IL1RAPL2: variants seen among roughly 807,000 people sequenced by gnomAD.
IL1RAPL2 encodes X-linked interleukin-1 receptor accessory protein-like 2.
In IL1RAPL2, 3 loss-of-function variants were observed where a neutral mutation model predicts 44.1. The ratio of observed to expected loss-of-function variants is 0.07; its 90% CI spans 0.03 to 0.18. The LOEUF is 0.18. Ranked by LOEUF, IL1RAPL2 falls within the 10% of genes least tolerant of loss-of-function variation. The probability of loss-of-function intolerance (pLI) is 1.00; values close to 1 mark genes in which losing one functional copy is unlikely to be tolerated. For synonymous variants in IL1RAPL2, 181 were observed against 178.8 expected (o/e 1.01, Z -0.10); for missense variants, 391 against 496.4 (o/e 0.79, Z 2.02).
chrX:105,654,000 C>A (rs1482367143), intron 6 of IL1RAPL2, among the ~76,000 whole-genome samples: 2 of 110,353 alleles, frequency 1.8e-5, no homozygotes, highest in Non-Finnish European at 3.8e-5. Flanking sequence ...CACGCACACA[C>A]CCTTTATGTT....
At chrX:105,481,751 GT>G (rs1051458845) in intron 5 of IL1RAPL2, among the ~76,000 whole-genome samples, 5 of 112,112 alleles carry the variant, frequency 4.5e-5, no homozygotes, top group African/African-American at 1.6e-4. Context: ...ATCAAAATGG[GT>G]TTTTTATTAA....
intron 2 of IL1RAPL2, among the ~76,000 whole-genome samples, chrX:104,752,620 A>G (rs1932278553): frequency 9.0e-6 from 1 of 110,688 alleles, no homozygotes; most frequent in African/African-American, 3.3e-5. Context: ...GCATTTAGCT[A>G]AGTATAGTTC....
chrX:105,592,872 A>T (rs1366253214), intron 6 of IL1RAPL2, among the ~76,000 whole-genome samples: 1 of 111,405 alleles, frequency 9.0e-6, no homozygotes, highest in African/African-American at 3.3e-5. Flanking sequence ...TTTTTCTTTC[A>T]TGTTGACCTT....
chrX:104,785,956 T>C lies in IL1RAPL2; in HGVS notation c.82+126961T>C, dbSNP rs2301379. 3.6e-5 allele frequency among the ~76,000 whole-genome samples: 4 copies of C among 112,155 alleles called. No individual in the cohort carries two copies. In the East Asian group the frequency reaches 1.1e-3, roughly 32 times the overall value. Reference sequence around the variant, plus strand: ...CCTCATCAGAATGCACTACAATTTGTTCACTTCAAACCCACCAGGAATAGA... The same window carrying C: ...CCTCATCAGAATGCACTACAATTTGCTCACTTCAAACCCACCAGGAATAGA... On this transcript the variant is annotated intron_variant, in intron 2 of 10. Transcript: ENST00000372582.
At chrX:105,136,664 A>T (rs186032436) in intron 2 of IL1RAPL2, among the ~76,000 whole-genome samples, 1 of 112,467 alleles carries the variant, frequency 8.9e-6, no homozygotes, top group East Asian at 2.8e-4. Flanking sequence ...TTATCTCAAT[A>T]TTTTAGTTGA....
intron 2 of IL1RAPL2, among the ~76,000 whole-genome samples, chrX:104,987,470 A>C (rs2030583834): frequency 9.0e-6 from 1 of 111,100 alleles, no homozygotes; most frequent in South Asian, 3.8e-4. Flanking sequence ...TAGGGCTTAA[A>C]ACAATAAAAA....
chrX:104,788,178 G>T (rs1183435939), intron 2 of IL1RAPL2, among the ~76,000 whole-genome samples: 2 of 112,299 alleles, frequency 1.8e-5, no homozygotes, highest in Non-Finnish European at 3.8e-5. Flanking sequence ...TATGCAGTTT[G>T]GGGTACTTTG....
intron 2 of IL1RAPL2, among the ~76,000 whole-genome samples, chrX:104,927,893 C>T (rs1328979341): frequency 8.9e-6 from 1 of 112,164 alleles, no homozygotes; most frequent in East Asian, 2.8e-4. Flanking sequence ...CTCACCAGAG[C>T]CAGTTCTCTA....
chrX:105,171,972 C>T (rs931218255), intron 2 of IL1RAPL2, among the ~76,000 whole-genome samples: 63 of 112,207 alleles, frequency 5.6e-4, no homozygotes, highest in African/African-American at 2.0e-3. Flanking sequence ...CCTTTAAATC[C>T]AACCCCTTCT....
At chrX:104,894,182 G>T (rs1467957339) in intron 2 of IL1RAPL2, among the ~76,000 whole-genome samples, 4 of 111,528 alleles carry the variant, frequency 3.6e-5, no homozygotes, top group Admixed American at 1.9e-4. Context: ...TCCCTTTGTG[G>T]GTAACCCGAC....
intron 2 of IL1RAPL2, among the ~76,000 whole-genome samples, chrX:104,908,799 G>A (rs190621845): frequency 0.051 from 5,478 of 108,324 alleles, 401 homozygotes; most frequent in African/African-American, 0.18. Flanking sequence ...TGCTCTTCTC[G>A]AGGAGTATCT....
At chrX:105,033,215 C>A (rs2031547398) in intron 2 of IL1RAPL2, among the ~76,000 whole-genome samples, 1 of 111,444 alleles carries the variant, frequency 9.0e-6, no homozygotes, top group African/African-American at 3.3e-5. Context: ...AGCATTTAGC[C>A]CATTTACCTT....
chrX:104,912,913 G>A (rs1345965885), intron 2 of IL1RAPL2, among the ~76,000 whole-genome samples: 1 of 112,014 alleles, frequency 8.9e-6, no homozygotes, highest in Non-Finnish European at 1.9e-5. Flanking sequence ...GAAGTAGCAG[G>A]CATAATCCTT....
chrX:105,069,482 C>T (rs976405647), intron 2 of IL1RAPL2, among the ~76,000 whole-genome samples: 16 of 111,639 alleles, frequency 1.4e-4, no homozygotes, highest in Middle Eastern at 4.6e-3. Flanking sequence ...TTTGATTCTA[C>T]GAAAACAATG....
At chrX:104,733,611 C>A (rs1414028140) in intron 2 of IL1RAPL2, among the ~76,000 whole-genome samples, 2 of 75,323 alleles carry the variant, frequency 2.7e-5, no homozygotes, top group African/African-American at 1.0e-4. Flanking sequence ...CAGCGAGACT[C>A]TGTCTCAAAA....
chrX:105,367,432 C>G (rs1209529516), intron 5 of IL1RAPL2, among the ~76,000 whole-genome samples: 1 of 111,176 alleles, frequency 9.0e-6, no homozygotes, highest in Non-Finnish European at 1.9e-5. Context: ...TTTTTCCTCT[C>G]TTGATATCTT....
chrX:105,265,733 GA>G (rs1300991599), intron 4 of IL1RAPL2, among the ~76,000 whole-genome samples: 1 of 86,491 alleles, frequency 1.2e-5, no homozygotes, highest in South Asian at 4.4e-4. Flanking sequence ...TAACATGAAA[GA>G]AAAAAAATGT....
At position 105,045,533 on chromosome X, in the gene IL1RAPL2, C is replaced by A. The variant is rs1187413476; in HGVS notation, c.83-149942C>A. Among the ~76,000 whole-genome samples, 8 of 111,063 alleles carry A rather than the reference C, an allele frequency of 7.2e-5. No individual in the cohort carries two copies. In the Admixed American group the frequency reaches 7.7e-4, roughly 11 times the overall value. ...TCTTTGCATTACAAGCCTAGTAGTA[C>A]TGCTTGACTTTTATTGTGTTTATTT... On this transcript the variant is annotated intron_variant, in intron 2 of 10. Transcript: ENST00000372582.
At chrX:104,582,848 C>G (rs1928431167) in intron 1 of IL1RAPL2, among the ~76,000 whole-genome samples, 5 of 74,036 alleles carry the variant, frequency 6.8e-5, no homozygotes, top group Admixed American at 1.8e-4. Flanking sequence ...TTCTTTCTTT[C>G]TTTCTTTCTT....
Sources: gnomAD v4.1 joint callset for allele counts (sites outside exome capture counted in the v4.1 genomes callset) on GRCh38, gnomAD v4.1.1 for gene constraint, MANE v1.5 for transcripts, NCBI Gene and HGNC (gene_info 2026-07-23, HGNC 2026-07-21) for gene names.